EPHA10: variants seen among roughly 807,000 people sequenced by gnomAD.
EPHA10 encodes EPH receptor A10, also known as ephrin type-A receptor 10.
Under a neutral mutation model 109.7 loss-of-function variants are expected in EPHA10, and 120 were observed. The observed-to-expected ratio is 1.09, with a 90% CI of 0.94 to 1.27. The LOEUF (loss-of-function observed/expected upper bound fraction) is 1.27, where lower values mean the gene tolerates loss of function less well. EPHA10 is among the 50% of genes most tolerant of loss of function. The pLI is 0.00. For missense variants in EPHA10, 1,396 were observed against 1,411.1 expected (o/e 0.99, Z 0.17); for synonymous variants, 640 against 618.9 (o/e 1.03, Z -0.51).
chr1:37,759,886 A>C (rs1434570448), intron 3 of EPHA10, among the ~76,000 whole-genome samples: 1 of 152,230 alleles, frequency 6.6e-6, no homozygotes, highest in Non-Finnish European at 1.5e-5. Flanking sequence ...AATAGGTTTC[A>C]ATGAATGCTG....
Position 37,716,900 on chromosome 1 carries a change from G to A in EPHA10, c.*1472C>T. 1 of 233,064 alleles carries A rather than the reference G, an allele frequency of 4.3e-6. No homozygotes were observed. The highest frequency in any genetic ancestry group is 8.5e-6 in the Non-Finnish European group (1 of 117,966). The allele number at this position is 233,064 out of a possible 1,614,324, so 14.4% of individuals were successfully genotyped here. A position where few individuals can be genotyped will look rare whatever the true frequency, so the allele number is the denominator to read the frequency against. ...ACCCAGAGGGCTCCTGGGGGGCCCTGGGCACTGTGGATGGTGCCCTGGAAT... is the reference window on the plus strand; with the variant it reads ...ACCCAGAGGGCTCCTGGGGGGCCCTAGGCACTGTGGATGGTGCCCTGGAAT... On this transcript the variant is annotated 3_prime_UTR_variant, in exon 17 of 17. Coordinates refer to ENST00000373048, the MANE Select transcript of EPHA10 (RefSeq NM_001099439.2).
chr1:37,755,987 G>A (rs944671679), intron 3 of EPHA10, among the ~76,000 whole-genome samples: 1 of 152,174 alleles, frequency 6.6e-6, no homozygotes, highest in Non-Finnish European at 1.5e-5. Context: ...AGAGGGGAGG[G>A]GACTAGGATT....
rs963868478 is a variant in EPHA10 at position 37,720,127 on chromosome 1, C to A, written c.2413-69G>T. ...ACGCAGGTTTCCCCACCCCACTGAG[C>A]CCCAGATCCAGCCTGCATGTCATCC... is the stretch of plus-strand genomic sequence containing the variant. On this transcript the variant is annotated intron_variant, in intron 13 of 16. Transcript: ENST00000373048. 7.6e-6 allele frequency: 12 copies of A among 1,581,478 alleles called. No individual in the cohort carries two copies. The Middle Eastern group carries it at 6.5e-4, about 86-fold the overall frequency.
At position 37,722,278 on chromosome 1, in the gene EPHA10, T is replaced by TG. The variant is rs1220095183; in HGVS notation, c.1961-434dup. On this transcript the variant is annotated intron_variant, in intron 10 of 16. Coordinates refer to ENST00000373048, the MANE Select transcript of EPHA10 (RefSeq NM_001099439.2). ...GGGGATTCCTCTCTGCCTTCCTCAGTGGGGGGAGGTTTCCAAGCCTTAAAG... is the reference window on the plus strand; with the variant it reads ...GGGGATTCCTCTCTGCCTTCCTCAGTGGGGGGGAGGTTTCCAAGCCTTAAAG... The TG allele has an allele frequency of 4.8e-5, 12 of 248,192 alleles. No individual in the cohort carries two copies. In the East Asian group the frequency reaches 1.2e-3, roughly 25 times the overall value. The allele number at this position is 248,192 out of a possible 1,614,324, so 15.4% of individuals were successfully genotyped here.
At chr1:37,758,265 A>G (rs1399013820) in intron 3 of EPHA10, among the ~76,000 whole-genome samples, 7 of 152,134 alleles carry the variant, frequency 4.6e-5, no homozygotes, top group African/African-American at 1.7e-4. Flanking sequence ...CCCCATATAC[A>G]CACTTGGTAT....
rs1469361560 is a variant in EPHA10, at chr1:37,762,869, G to A, written c.107-20C>T. Reference sequence around the variant, plus strand: ...GGATAACTAAGGAGAGGGGAAGACAGAAATATCAGAAATCGAGAAGGTCAG... The same window carrying A: ...GGATAACTAAGGAGAGGGGAAGACAAAAATATCAGAAATCGAGAAGGTCAG... On this transcript the variant is annotated intron_variant, in intron 1 of 16. Coordinates refer to ENST00000373048, the MANE Select transcript of EPHA10 (RefSeq NM_001099439.2). 6.5e-7 allele frequency: 1 copy of A among 1,545,676 alleles called. No homozygotes were observed. The highest frequency in any genetic ancestry group is 8.7e-7 in the Non-Finnish European group (1 of 1,144,004).
Position 37,727,178 on chromosome 1 carries a change from T to C in EPHA10, c.1696A>G (p.Ile566Val), listed in dbSNP as rs1174107544. The change falls in exon 8 of 17, where the codon ATT becomes GTT. Residue 566 changes from isoleucine to valine, a missense_variant. Transcript: ENST00000373048. The stretch of plus-strand genomic sequence containing the variant: ...GAGATGGTCACTACGGTGACGACAA[T>C]GGCGGGGCTCTGGTCCCTGGACCCT... ...ASGSRDQSPAIVVTVVTISAL... is the reference protein window; with the variant it reads ...ASGSRDQSPAVVVTVVTISAL... 2 of 1,611,624 alleles carry C rather than the reference T, an allele frequency of 1.2e-6. No individual in the cohort carries two copies. Among genetic ancestry groups the C allele is most frequent in the East Asian group, 2.2e-5 (1 of 44,708 alleles).
At chr1:37,756,329 G>A (rs141686577) in intron 3 of EPHA10, among the ~76,000 whole-genome samples, 29 of 152,338 alleles carry the variant, frequency 1.9e-4, no homozygotes, top group East Asian at 9.7e-4. Flanking sequence ...TGATCTGTTC[G>A]CAGGGTTTCA....
chr1:37,718,143 A>C lies in EPHA10; in HGVS notation c.*229T>G. On this transcript the variant is annotated 3_prime_UTR_variant, in exon 17 of 17. Coordinates refer to ENST00000373048, the MANE Select transcript of EPHA10 (RefSeq NM_001099439.2). ...GTTATCTCAGGGGTCCTCCCTAGGG[A>C]TTTGAACCTCTTTTCAGGGGCACTG... is the stretch of plus-strand genomic sequence containing the variant. 4 of 537,566 alleles carry C rather than the reference A, an allele frequency of 7.4e-6. No individual in the cohort carries two copies. Among genetic ancestry groups the C allele is most frequent in the Non-Finnish European group, 9.8e-6 (3 of 304,638 alleles). 33.3% of individuals were successfully genotyped at this position (537,566 alleles called of 1,614,324 possible). A position where few individuals can be genotyped will look rare whatever the true frequency, so the allele number is the denominator to read the frequency against.
At position 37,727,030 on chromosome 1, in the gene EPHA10, C is replaced by T. The variant is rs1645903169; in HGVS notation, c.1772+72G>A. 54 of 1,233,204 alleles carry T rather than the reference C, an allele frequency of 4.4e-5. 2 individuals carry two copies. In the South Asian group the frequency reaches 7.5e-4, roughly 17 times the overall value. 76.4% of individuals were successfully genotyped at this position (1,233,204 alleles called of 1,614,324 possible). A position where few individuals can be genotyped will look rare whatever the true frequency, so the allele number is the denominator to read the frequency against. ...CGTGTGTGCAAAGTGGGCAGAGATGCCTGTGAGCACACATTAATGTGCACG... is the reference window on the plus strand; with the variant it reads ...CGTGTGTGCAAAGTGGGCAGAGATGTCTGTGAGCACACATTAATGTGCACG... On this transcript the variant is annotated intron_variant, in intron 8 of 16. Coordinates refer to ENST00000373048, the MANE Select transcript of EPHA10 (RefSeq NM_001099439.2).
At chr1:37,733,801 A>ACTCTCT (rs377178861) in intron 6 of EPHA10, among the ~76,000 whole-genome samples, 4 of 143,902 alleles carry the variant, frequency 2.8e-5, no homozygotes, top group Non-Finnish European at 6.1e-5. Context: ...CAACACTCTC[A>ACTCTCT]CTCTCTCTCT....
At chr1:37,762,116 G>C (rs1646439130) in intron 2 of EPHA10, 33 bp from the exon 3 acceptor site, 1 of 1,533,478 alleles carries the variant, frequency 6.5e-7, no homozygotes. Flanking sequence ...GGGCAGCCCA[G>C]AGCCAAAGTG....
chr1:37,743,321 C>T (rs1197039550), intron 5 of EPHA10, among the ~76,000 whole-genome samples: 1 of 152,060 alleles, frequency 6.6e-6, no homozygotes, highest in East Asian at 1.9e-4. Flanking sequence ...ACACAGCCTC[C>T]ACCAACTATG....
At position 37,716,225 on chromosome 1, in the gene EPHA10, G is replaced by A. The variant is rs1451064931; in HGVS notation, c.*2147C>T. ...GGCCTGGGACCCAACAGGATTCTGG[G>A]ACCTCACTCCTCAGTGGAGGGGAGA... On this transcript the variant is annotated 3_prime_UTR_variant, in exon 17 of 17. Transcript: ENST00000373048. The A allele has an allele frequency of 6.7e-6, 2 of 297,762 alleles. No individual in the cohort carries two copies. Among genetic ancestry groups the A allele is most frequent in the African/African-American group, 2.2e-5 (1 of 45,452 alleles). The allele number at this position is 297,762 out of a possible 1,614,324, so 18.4% of individuals were successfully genotyped here.
At chr1:37,731,668 G>A in intron 6 of EPHA10, 86 bp from the exon 7 acceptor site, 2 of 1,418,122 alleles carry the variant, frequency 1.4e-6, no homozygotes, top group Non-Finnish European at 1.9e-6. Context: ...AGGGAGGCAG[G>A]AGAAGCGCCC....
intron 11 of EPHA10, 92 bp downstream of exon 11, chr1:37,721,568 T>C: frequency 1.5e-6 from 2 of 1,326,142 alleles, no homozygotes; most frequent in Non-Finnish European, 2.0e-6. Flanking sequence ...GGGAAGGACC[T>C]GGAGAGGCAG....
chr1:37,721,628 C>A, intron 11 of EPHA10, 32 bp downstream of exon 11: 2 of 1,575,314 alleles, frequency 1.3e-6, no homozygotes, highest in South Asian at 1.2e-5. Flanking sequence ...TACCCGTGGG[C>A]TGGGCAGCAG....
chr1:37,722,414 G>A, intron 10 of EPHA10: 1 of 225,608 alleles, frequency 4.4e-6, no homozygotes, highest in Non-Finnish European at 9.0e-6. Flanking sequence ...CTTCTGTCCA[G>A]CGGGTCTGGA....
chr1:37,719,177 G>A (rs1395887156), intron 15 of EPHA10: 1 of 601,194 alleles, frequency 1.7e-6, no homozygotes, highest in Non-Finnish European at 3.0e-6. Context: ...TATTTCTCCA[G>A]TCAAAGGTCA....
Sources: gnomAD v4.1 joint callset for allele counts (sites outside exome capture counted in the v4.1 genomes callset) on GRCh38, gnomAD v4.1.1 for gene constraint, MANE v1.5 for transcripts, NCBI Gene and HGNC (gene_info 2026-07-23, HGNC 2026-07-21) for gene names.